Variants in EIF2AK3 observed in about 807,000 individuals in gnomAD.
EIF2AK3 encodes eukaryotic translation initiation factor 2 alpha kinase 3, also known as eukaryotic translation initiation factor 2-alpha kinase 3.
Under a neutral mutation model 113.5 loss-of-function variants are expected in EIF2AK3, and 50 were observed. That is an observed-to-expected ratio of 0.44 (90% CI 0.35 to 0.56). EIF2AK3 has a LOEUF of 0.56. Among genes scored for constraint, EIF2AK3 ranks in the 20% least tolerant of loss-of-function variants. The pLI is 0.00. For synonymous variants in EIF2AK3, 448 were observed against 495.4 expected (o/e 0.90, Z 1.27); for missense variants, 1,185 against 1,378.0 (o/e 0.86, Z 2.22).
At position 88,588,060 on chromosome 2, in the gene EIF2AK3, CA is replaced by C; in HGVS notation, c.1350del (p.Phe450LeufsTer76). On this transcript the variant is annotated frameshift_variant, in exon 8 of 17. Transcript: ENST00000303236. LOFTEE classifies it high-confidence loss of function. ...RTPVLVGSDE[F>X]DKCLSNDKFS... The stretch of plus-strand genomic sequence containing the variant: ...AACTTATCATTACTGAGACATTTGT[CA>C]AATTCATCAGATCCTACCAAGACAG... The C allele has an allele frequency of 6.4e-7, 1 of 1,556,530 alleles. No individual in the cohort carries two copies. The highest frequency in any genetic ancestry group is 8.8e-7 in the Non-Finnish European group (1 of 1,134,502).
At chr2:88,627,614 T>G (rs988204064), upstream of EIF2AK3, 1 of 266,034 alleles carries the variant, frequency 3.8e-6, no homozygotes, top group Non-Finnish European at 7.1e-6. Flanking sequence ...CAAATCGTAA[T>G]TTCGTCGTTC....
chr2:88,579,009 A>G (rs1674532309), intron 11 of EIF2AK3, among the ~76,000 whole-genome samples: 1 of 152,212 alleles, frequency 6.6e-6, no homozygotes, highest in African/African-American at 2.4e-5. Flanking sequence ...TTCTAATAAC[A>G]TATTCTTAAT....
At position 88,575,367 on chromosome 2, in the gene EIF2AK3, T is replaced by C. The variant is rs764017694; in HGVS notation, c.2116A>G (p.Lys706Glu). Residue 706 changes from lysine (K) to glutamate (E), a missense_variant, in exon 13 of 17, where the codon AAA (lysine) becomes GAA (glutamate). Lys to Glu is a moderately conservative substitution (Grantham distance 56). Around this residue, in one of 3 missense-constraint regions of EIF2AK3, gnomAD observed 877 missense variants for 1,024.2 expected, o/e 0.86. Transcript: ENST00000303236. ...KIRRMDPFAT[K>E]EHIEIIAPSP... ...GGAGCTATGATTTCAATATGTTCTT[T>C]TGTAGCGAAAGGATCCATTCTGCGT... is the stretch of plus-strand genomic sequence containing the variant. 2 of 1,614,120 alleles carry C rather than the reference T, an allele frequency of 1.2e-6. No individual in the cohort carries two copies.
intron 1 of EIF2AK3, among the ~76,000 whole-genome samples, chr2:88,615,973 T>C (rs974639308): frequency 9.9e-5 from 15 of 152,146 alleles, no homozygotes; most frequent in African/African-American, 3.6e-4. Context: ...TGACCAGCCA[T>C]TTCTGCCCTC....
chr2:88,596,702 T>G (rs561960522), intron 2 of EIF2AK3, among the ~76,000 whole-genome samples: 2 of 151,994 alleles, frequency 1.3e-5, no homozygotes, highest in South Asian at 4.2e-4. Flanking sequence ...GAGGCAAGAG[T>G]GGAGGCAGAG....
intron 2 of EIF2AK3, among the ~76,000 whole-genome samples, chr2:88,599,285 G>A (rs911548968): frequency 6.6e-6 from 1 of 152,052 alleles, no homozygotes; most frequent in Non-Finnish European, 1.5e-5. Context: ...TTACCTTAGA[G>A]TCTTAGCATA....
Position 88,557,806 on chromosome 2 carries a change from G to A in EIF2AK3, c.3281C>T (p.Ser1094Phe), listed in dbSNP as rs1673821521. The A allele has an allele frequency of 6.2e-7, 1 of 1,614,042 alleles. No homozygotes were observed. Among genetic ancestry groups the A allele is most frequent in the South Asian group, 1.1e-5 (1 of 91,086 alleles). Residue 1094 changes from serine to phenylalanine, a missense_variant, in exon 17 of 17, where the codon TCC becomes TTC. By Grantham distance (155) the Ser-to-Phe change is radical. Coordinates refer to ENST00000303236, the MANE Select transcript of EIF2AK3 (RefSeq NM_004836.7). ...ATGTTTTGTTCCCGATGAACTCAAG[G>A]AGCGAGACCTCTGTCTGAGCACTGT... is the stretch of plus-strand genomic sequence containing the variant. ...GKTVLRQRSR[S>F]LSSSGTKHSR...
At chr2:88,611,434 A>G (rs921135341) in intron 2 of EIF2AK3, among the ~76,000 whole-genome samples, 1 of 152,194 alleles carries the variant, frequency 6.6e-6, no homozygotes, top group African/African-American at 2.4e-5. Context: ...AATGGTCCCA[A>G]GAATTTGGGG....
intron 2 of EIF2AK3, among the ~76,000 whole-genome samples, chr2:88,612,659 G>A (rs1675484892): frequency 6.6e-6 from 1 of 152,176 alleles, no homozygotes; most frequent in Non-Finnish European, 1.5e-5. Flanking sequence ...TTTGGGCTGG[G>A]TTTACTGGAA....
rs1419819170 is a variant in EIF2AK3, at chr2:88,562,248, TTC to T, written c.3087+39_3087+40del. 5 of 1,519,768 alleles carry T rather than the reference TTC, an allele frequency of 3.3e-6. No individual in the cohort carries two copies. In the Admixed American group the frequency reaches 5.0e-5, roughly 15 times the overall value. 94.1% of individuals were successfully genotyped at this position (1,519,768 alleles called of 1,614,324 possible). On this transcript the variant is annotated intron_variant, in intron 15 of 16. Transcript: ENST00000303236. ...ACTCTTTTGTAAATGTTAGATTATT[TTC>T]TGTTTGAAACTTTTTTTTTGAGTAG...
At chr2:88,615,989 AAC>A (rs1675558589) in intron 1 of EIF2AK3, among the ~76,000 whole-genome samples, 1 of 151,790 alleles carries the variant, frequency 6.6e-6, no homozygotes, top group South Asian at 2.1e-4. Context: ...CCCTCCATGA[AAC>A]ACACTCTATA....
chr2:88,586,155 T>TCA (rs1364800451), intron 8 of EIF2AK3, 94 bp from the exon 9 acceptor site: 10 of 937,968 alleles, frequency 1.1e-5, no homozygotes, highest in Non-Finnish European at 1.7e-5. Flanking sequence ...CTGTGACTTA[T>TCA]CACATTAATT....
chr2:88,562,510 G>T, intron 14 of EIF2AK3, 120 bp from the exon 15 acceptor site: 1 of 798,042 alleles, frequency 1.3e-6, no homozygotes, highest in South Asian at 1.5e-5. Context: ...AAGTACATGT[G>T]TAAAAATGTT....
intron 8 of EIF2AK3, among the ~76,000 whole-genome samples, chr2:88,586,856 T>G (rs1674743877): frequency 6.6e-6 from 1 of 150,990 alleles, no homozygotes; most frequent in African/African-American, 2.4e-5. Context: ...CCTCCCAAAG[T>G]GCTGGGATTA....
At chr2:88,576,447 T>TG in intron 12 of EIF2AK3, 107 bp downstream of exon 12, 1 of 1,492,916 alleles carries the variant, frequency 6.7e-7, no homozygotes, top group South Asian at 1.2e-5. Context: ...AACAGAACTC[T>TG]GCTGTTCCTT....
In EIF2AK3 at chr2:88,623,019, T is replaced by C. The variant is rs557762780; in HGVS notation, c.308+3948A>G. 3.3e-5 allele frequency among the ~76,000 whole-genome samples: 5 copies of C among 152,336 alleles called. No individual in the cohort carries two copies. The South Asian group carries it at 1.0e-3, about 32-fold the overall frequency. On this transcript the variant is annotated intron_variant, in intron 1 of 16. Coordinates refer to ENST00000303236, the MANE Select transcript of EIF2AK3 (RefSeq NM_004836.7). ...ATTAATGTCAAATTTAGAAATACTT[T>C]TGTTAGAGAGGAATTAGAGCCAGAG...
At chr2:88,581,550 T>C (rs1674601826) in intron 10 of EIF2AK3, among the ~76,000 whole-genome samples, 1 of 152,216 alleles carries the variant, frequency 6.6e-6, no homozygotes, top group Non-Finnish European at 1.5e-5. Context: ...TTCTCCAGGA[T>C]AGGAGCAGTC....
At chr2:88,593,450 T>C in intron 3 of EIF2AK3, 45 bp from the exon 4 acceptor site, 3 of 1,603,254 alleles carry the variant, frequency 1.9e-6, no homozygotes, top group Non-Finnish European at 2.6e-6. Context: ...AGGAGACAAC[T>C]CATAATAGAT....
At chr2:88,579,114 A>G (rs1674534559) in intron 11 of EIF2AK3, among the ~76,000 whole-genome samples, 1 of 152,228 alleles carries the variant, frequency 6.6e-6, no homozygotes, top group Non-Finnish European at 1.5e-5. Context: ...ATATGACCAG[A>G]AAACAAAATC....
Sources: allele counts gnomAD v4.1 joint callset (sites outside exome capture counted in the v4.1 genomes callset), GRCh38; gene constraint gnomAD v4.1.1; regional missense constraint gnomAD v4.1.1; transcripts MANE v1.5; gene names NCBI Gene and HGNC (gene_info 2026-07-23, HGNC 2026-07-21).